The following TENM2 variants were observed in gnomAD, a reference collection of about 807,000 sequenced individuals.
The protein encoded by TENM2 is teneurin-2.
In TENM2, 52 loss-of-function variants were observed where a neutral mutation model predicts 245.2. The observed-to-expected ratio is 0.21, with a 90% confidence interval of 0.17 to 0.27. The LOEUF (loss-of-function observed/expected upper bound fraction) is 0.27, where lower values mean the gene tolerates loss of function less well. Ranked by LOEUF, TENM2 falls within the 10% of genes least tolerant of loss-of-function variation. TENM2 has a pLI of 1.00. For synonymous variants in TENM2, 1,363 were observed against 1,438.9 expected, an observed-to-expected ratio of 0.95 and a Z score of 1.19; for missense variants, 3,046 against 3,666.8, an observed-to-expected ratio of 0.83 and a Z score of 4.37.
In TENM2 at chr5:168,124,838, T is replaced by C. The variant is rs528289997; in HGVS notation, c.2009-12T>C. ...ACTTTTATTCTTTGGTTTTTGTTTT[T>C]GTTTTTTTCAGTTGATTGCTTGGAT... On this transcript the variant is annotated splice_polypyrimidine_tract_variant and intron_variant, in intron 10 of 28. Transcript: ENST00000518659. 1.3e-5 allele frequency: 20 copies of C among 1,599,524 alleles called. No individual in the cohort carries two copies. In the South Asian group the frequency reaches 2.0e-4, roughly 16 times the overall value.
At chr5:167,159,060 C>A in the TENM2 span, among the ~76,000 whole-genome samples, 1 of 151,360 alleles carries the variant, frequency 6.6e-6, no homozygotes, top group African/African-American at 2.4e-5. Flanking sequence ...TCAAGAAATT[C>A]TACTGCCTCA....
intron 2 of TENM2, among the ~76,000 whole-genome samples, chr5:167,468,861 G>A (rs911639227): frequency 6.6e-6 from 1 of 152,106 alleles, no homozygotes; most frequent in Admixed American, 6.5e-5. Flanking sequence ...GGAAGAGAAA[G>A]CACAGTATCA....
the TENM2 span, among the ~76,000 whole-genome samples, chr5:167,078,940 C>G: frequency 6.6e-6 from 1 of 152,100 alleles, no homozygotes; most frequent in Non-Finnish European, 1.5e-5. Flanking sequence ...AGCGATATCA[C>G]AAACGCACAA....
chr5:167,232,508 G>C, the TENM2 span, among the ~76,000 whole-genome samples: 6,274 of 152,048 alleles, frequency 0.041, 174 homozygotes, highest in South Asian at 0.07. Context: ...GTGTAGCTGG[G>C]ATTACAGGCC....
intron 25 of TENM2, among the ~76,000 whole-genome samples, chr5:168,239,244 T>C (rs932029052): frequency 4.6e-5 from 7 of 152,320 alleles, no homozygotes; most frequent in African/African-American, 1.7e-4. Flanking sequence ...ATTACACAAC[T>C]GGCCTGAACT....
upstream of TENM2, among the ~76,000 whole-genome samples, chr5:167,282,676 A>T (rs1771126241): frequency 6.6e-6 from 1 of 152,118 alleles, no homozygotes; most frequent in Admixed American, 6.5e-5. Flanking sequence ...TTTGACAAGG[A>T]CTCTGCCTCA....
At chr5:167,548,886 A>T (rs565669653) in intron 2 of TENM2, among the ~76,000 whole-genome samples, 1 of 152,314 alleles carries the variant, frequency 6.6e-6, no homozygotes, top group South Asian at 2.1e-4. Context: ...GTTCTATTGC[A>T]TTAGTTGTAA....
intron 2 of TENM2, among the ~76,000 whole-genome samples, chr5:167,528,803 A>G (rs1027286827): frequency 6.6e-6 from 1 of 152,132 alleles, no homozygotes; most frequent in African/African-American, 2.4e-5. Context: ...GAATTCCCAT[A>G]ACCTCTTCAC....
chr5:167,069,041 CT>C, the TENM2 span, among the ~76,000 whole-genome samples: 1 of 152,064 alleles, frequency 6.6e-6, no homozygotes, highest in Non-Finnish European at 1.5e-5. Flanking sequence ...ATTTTTATGT[CT>C]GTGAAATATG....
At chr5:168,263,050 T>G, downstream of TENM2, 1 of 473,450 alleles carries the variant, frequency 2.1e-6, no homozygotes, top group Non-Finnish European at 3.8e-6. Flanking sequence ...AACGAATGAA[T>G]GAACAGACAC....
At chr5:168,041,730 T>G (rs949933942) in intron 5 of TENM2, among the ~76,000 whole-genome samples, 62 of 152,350 alleles carry the variant, frequency 4.1e-4, no homozygotes, top group Admixed American at 1.4e-3. Flanking sequence ...GCTTTACTCC[T>G]GGTGCCTAGG....
exon 28 of TENM2, chr5:168,260,376 A>G (rs758210456): frequency 1.7e-5 from 27 of 1,613,762 alleles, no homozygotes; most frequent in South Asian, 5.5e-5. Context: ...CCTCCTCCCT[A>G]TGAATTGTCA....
At chr5:167,347,185 A>G (rs745567898) in intron 1 of TENM2, among the ~76,000 whole-genome samples, 1 of 152,078 alleles carries the variant, frequency 6.6e-6, no homozygotes, top group Non-Finnish European at 1.5e-5. Context: ...ATCTTTTTTA[A>G]TGGATAGTAC....
chr5:168,058,646 C>G (rs1307684284), intron 6 of TENM2, among the ~76,000 whole-genome samples: 1 of 152,160 alleles, frequency 6.6e-6, no homozygotes, highest in African/African-American at 2.4e-5. Context: ...AAAAATAAGA[C>G]TCTTGATAGA....
the TENM2 span, chr5:167,116,692 C>T: frequency 6.6e-6 from 1 of 150,626 alleles, no homozygotes; most frequent in Admixed American, 6.6e-5. Context: ...TTGTTTCAGT[C>T]CTGGAAAAAA....
intron 2 of TENM2, among the ~76,000 whole-genome samples, chr5:167,663,719 C>CTCTGTGT (rs1755392085): frequency 6.6e-6 from 1 of 152,130 alleles, no homozygotes; most frequent in East Asian, 1.9e-4. Context: ...ATATTTTAAT[C>CTCTGTGT]TCTGTGTCTC....
chr5:167,571,620 G>A (rs1294037978), intron 2 of TENM2, among the ~76,000 whole-genome samples: 2 of 152,088 alleles, frequency 1.3e-5, no homozygotes, highest in South Asian at 2.1e-4. Flanking sequence ...CAACAGCACT[G>A]ATAGCCATTT....
intron 12 of TENM2, among the ~76,000 whole-genome samples, chr5:168,133,997 A>G (rs1024764161): frequency 6.6e-6 from 1 of 151,986 alleles, no homozygotes; most frequent in Non-Finnish European, 1.5e-5. Context: ...TCTACTAAAC[A>G]TACAAAAATT....
chr5:167,194,952 TA>T, the TENM2 span, among the ~76,000 whole-genome samples: 1 of 152,020 alleles, frequency 6.6e-6, no homozygotes. Context: ...ATCACACTCT[TA>T]ACTACTACGC....
Sources: gnomAD v4.1 joint callset for allele counts (sites outside exome capture counted in the v4.1 genomes callset) on GRCh38, gnomAD v4.1.1 for gene constraint, MANE v1.5 for transcripts, NCBI Gene and HGNC (gene_info 2026-07-23, HGNC 2026-07-21) for gene names.